HTR4: variants seen among roughly 807,000 people sequenced by gnomAD.
HTR4 encodes 5-hydroxytryptamine (serotonin) receptor 4, G protein-coupled.
HTR4 carries 16 observed loss-of-function variants against 36.8 expected under a neutral mutation model. The ratio of observed to expected loss-of-function variants is 0.43; its 90% CI spans 0.29 to 0.66. HTR4 has a LOEUF of 0.66. HTR4 is among the 30% of genes least tolerant of loss of function. The pLI is 0.13. For synonymous variants in HTR4, 189 were observed against 185.1 expected, an observed-to-expected ratio of 1.02 and a Z score of -0.17; for missense variants, 438 against 490.9, an observed-to-expected ratio of 0.89 and a Z score of 1.02.
At chr5:148,466,764 G>A (rs937394037) in intron 5 of HTR4, among the ~76,000 whole-genome samples, 3 of 152,118 alleles carry the variant, frequency 2.0e-5, no homozygotes, top group Non-Finnish European at 4.4e-5. Context: ...ATAAATATCA[G>A]CTAGCATCAT....
chr5:148,471,239 A>G (rs972999214), intron 5 of HTR4, among the ~76,000 whole-genome samples: 2 of 152,192 alleles, frequency 1.3e-5, no homozygotes, highest in African/African-American at 4.8e-5. Context: ...TCCTCTTGGA[A>G]CAGACTTGGG....
intron 4 of HTR4, among the ~76,000 whole-genome samples, chr5:148,528,239 T>G (rs1165453109): frequency 6.6e-6 from 1 of 152,230 alleles, no homozygotes; most frequent in Non-Finnish European, 1.5e-5. Context: ...AGGTATATGT[T>G]TTACTTGCAT....
chr5:148,458,942 T>G (rs192812179), intron 5 of HTR4, among the ~76,000 whole-genome samples: 26 of 152,294 alleles, frequency 1.7e-4, no homozygotes, highest in Non-Finnish European at 1.2e-4. Context: ...GGAGGTGTAT[T>G]AGCTTCCTGT....
rs1268963846 is a variant in HTR4 at position 148,451,032 on chromosome 5, C to T, written c.*153G>A. ...TCAAGGCTCTGGCCTCAGCTACCCCCCAACACTGTCCTCCATGTACCTCCT... is the reference window on the plus strand; with the variant it reads ...TCAAGGCTCTGGCCTCAGCTACCCCTCAACACTGTCCTCCATGTACCTCCT... On this transcript the variant is annotated 3_prime_UTR_variant, in exon 6 of 6. Coordinates refer to the HTR4 transcript ENST00000521530. 8.3e-6 allele frequency: 11 copies of T among 1,332,554 alleles called. No homozygotes were observed. In the Admixed American group the frequency reaches 2.0e-4, roughly 24 times the overall value. 82.5% of individuals were successfully genotyped at this position (1,332,554 alleles called of 1,614,324 possible).
chr5:148,589,365 G>A (rs140971916), intron 2 of HTR4, among the ~76,000 whole-genome samples: 4 of 152,266 alleles, frequency 2.6e-5, no homozygotes, highest in Admixed American at 2.6e-4. Flanking sequence ...CTGACATTCT[G>A]CCAGCCCTTG....
intron 5 of HTR4, among the ~76,000 whole-genome samples, chr5:148,463,098 A>C (rs1373126968): frequency 6.6e-6 from 1 of 151,900 alleles, no homozygotes; most frequent in Non-Finnish European, 1.5e-5. Flanking sequence ...TAAGATCAGA[A>C]AGAAGTCAAG....
intron 4 of HTR4, among the ~76,000 whole-genome samples, chr5:148,545,342 A>G (rs189696072): frequency 2.0e-5 from 3 of 152,380 alleles, no homozygotes; most frequent in East Asian, 3.9e-4. Flanking sequence ...CATTTGTTCA[A>G]TCGTGTTTGT....
rs572995556 is a variant in HTR4, at chr5:148,530,622, A to G, written c.354-7276T>C. ...TCTGCTAGAGCACTGCAGATGGGAAAAGTGGGGTTGGAGCCCCTGTGCAGA... is the reference window on the plus strand; with the variant it reads ...TCTGCTAGAGCACTGCAGATGGGAAGAGTGGGGTTGGAGCCCCTGTGCAGA... On this transcript the variant is annotated intron_variant, in intron 4 of 6. Transcript: ENST00000377888. Among the ~76,000 whole-genome samples the G allele has an allele frequency of 2.0e-5, 3 of 152,346 alleles. No individual in the cohort carries two copies. The South Asian group carries it at 6.2e-4, about 32-fold the overall frequency.
chr5:148,534,489 G>C (rs1336413841), intron 4 of HTR4, among the ~76,000 whole-genome samples: 1 of 152,170 alleles, frequency 6.6e-6, no homozygotes, highest in African/African-American at 2.4e-5. Flanking sequence ...CAGAGGTATT[G>C]AGCCAGTAGC....
intron 5 of HTR4, among the ~76,000 whole-genome samples, chr5:148,456,571 T>G (rs1479848978): frequency 2.0e-5 from 3 of 152,216 alleles, no homozygotes; most frequent in Non-Finnish European, 4.4e-5. Context: ...TCCCACCTCC[T>G]TGACACCTTT....
At chr5:148,471,829 A>T (rs957954418), downstream of HTR4, among the ~76,000 whole-genome samples, 4 of 152,244 alleles carry the variant, frequency 2.6e-5, no homozygotes, top group African/African-American at 9.6e-5. Flanking sequence ...TAGGGAAAAG[A>T]TCATGGATTT....
intron 1 of HTR4, chr5:148,646,401 A>G (rs1368447182): frequency 6.6e-6 from 1 of 152,246 alleles, no homozygotes; most frequent in Non-Finnish European, 1.5e-5. Flanking sequence ...TGGATTAGGA[A>G]ACCATTTATA....
chr5:148,614,576 C>A (rs376268981), intron 2 of HTR4, among the ~76,000 whole-genome samples: 1 of 152,160 alleles, frequency 6.6e-6, no homozygotes, highest in Non-Finnish European at 1.5e-5. Flanking sequence ...ACCATAAAAA[C>A]CCTAGAAGAA....
chr5:148,645,051 A>G (rs1286249865), intron 1 of HTR4: 1 of 152,220 alleles, frequency 6.6e-6, no homozygotes, highest in Non-Finnish European at 1.5e-5. Flanking sequence ...GTTTCTTTAT[A>G]AAATAAATTT....
exon 6 of HTR4, chr5:148,451,039 T>C: frequency 3.6e-6 from 5 of 1,385,188 alleles, no homozygotes; most frequent in Admixed American, 2.1e-5. Context: ...CCCCCAACAC[T>C]GTCCTCCATG....
At chr5:148,631,563 G>T (rs1286746733) in intron 2 of HTR4, among the ~76,000 whole-genome samples, 2 of 152,022 alleles carry the variant, frequency 1.3e-5, no homozygotes, top group African/African-American at 4.8e-5. Context: ...AGAATATTCA[G>T]CATTAAAAAT....
intron 2 of HTR4, among the ~76,000 whole-genome samples, chr5:148,555,946 TCACACA>T (rs60289333): frequency 6.7e-6 from 1 of 149,850 alleles, no homozygotes; most frequent in African/African-American, 2.5e-5. Context: ...TTATACTTTG[TCACACA>T]CACACACACA....
intron 2 of HTR4, among the ~76,000 whole-genome samples, chr5:148,551,737 G>A (rs566254577): frequency 5.9e-5 from 9 of 152,214 alleles, no homozygotes; most frequent in Non-Finnish European, 1.2e-4. Flanking sequence ...CACTAACAAT[G>A]GCTGATGAGC....
chr5:148,580,454 T>C (rs1761088387), intron 2 of HTR4, among the ~76,000 whole-genome samples: 1 of 152,066 alleles, frequency 6.6e-6, no homozygotes, highest in African/African-American at 2.4e-5. Context: ...GCACTGTATC[T>C]TATTGTTAAC....
Sources: allele counts gnomAD v4.1 joint callset (sites outside exome capture counted in the v4.1 genomes callset), GRCh38; gene constraint gnomAD v4.1.1; transcripts MANE v1.5; gene names NCBI Gene and HGNC (gene_info 2026-07-23, HGNC 2026-07-21).